EYS: variants seen among roughly 807,000 people sequenced by gnomAD.
The protein encoded by EYS is protein eyes shut homolog.
EYS carries 250 observed loss-of-function variants against 282.1 expected under a neutral mutation model. That is an observed-to-expected ratio of 0.89 (90% CI 0.80 to 0.98). The LOEUF (loss-of-function observed/expected upper bound fraction) is 0.98. Among genes scored for constraint, EYS ranks in the 50% least tolerant of loss-of-function variants. EYS has a pLI of 0.00. For missense variants in EYS, 4,016 were observed against 3,709.0 expected, an observed-to-expected ratio of 1.08 and a Z score of -2.15; for synonymous variants, 1,355 against 1,282.9, an observed-to-expected ratio of 1.06 and a Z score of -1.20.
intron 19 of EYS, among the ~76,000 whole-genome samples, chr6:64,882,387 C>G (rs1766952670): frequency 6.6e-6 from 1 of 151,640 alleles, no homozygotes; most frequent in Admixed American, 6.6e-5. Context: ...TATGTTTGCA[C>G]ATTTGAGTTG....
intron 32 of EYS, among the ~76,000 whole-genome samples, chr6:64,074,113 A>G (rs1458089107): frequency 1.3e-5 from 2 of 151,726 alleles, no homozygotes; most frequent in Non-Finnish European, 3.0e-5. Context: ...TCCAGACTAC[A>G]TTTCAAAACT....
At chr6:65,232,529 A>C (rs1290595860) in intron 12 of EYS, among the ~76,000 whole-genome samples, 1 of 152,098 alleles carries the variant, frequency 6.6e-6, no homozygotes, top group Non-Finnish European at 1.5e-5. Flanking sequence ...ACGTTTGAGT[A>C]GTTTTAGATT....
chr6:63,894,110 C>A (rs921109787), intron 35 of EYS, among the ~76,000 whole-genome samples: 18 of 152,292 alleles, frequency 1.2e-4, no homozygotes, highest in Non-Finnish European at 1.5e-5. Context: ...TTTAAGAAAG[C>A]AAACTGTCTT....
At chr6:64,823,600 C>T (rs529014928) in intron 19 of EYS, among the ~76,000 whole-genome samples, 49 of 152,104 alleles carry the variant, frequency 3.2e-4, no homozygotes, top group African/African-American at 1.2e-3. Flanking sequence ...CTAGCATTGA[C>T]TGAGCACTTA....
intron 31 of EYS, among the ~76,000 whole-genome samples, chr6:64,123,658 C>A (rs1773666488): frequency 6.6e-6 from 1 of 152,094 alleles, no homozygotes; most frequent in Non-Finnish European, 1.5e-5. Context: ...AAAATTGGGT[C>A]ATAAATTCTA....
chr6:63,844,264 A>T (rs1052145480), intron 36 of EYS, among the ~76,000 whole-genome samples: 1 of 152,150 alleles, frequency 6.6e-6, no homozygotes, highest in Non-Finnish European at 1.5e-5. Context: ...ATTGATGGGC[A>T]TTTTGGTTGA....
intron 31 of EYS, among the ~76,000 whole-genome samples, chr6:64,176,731 T>C (rs1212061695): frequency 6.6e-6 from 1 of 152,100 alleles, no homozygotes; most frequent in Non-Finnish European, 1.5e-5. Context: ...TAAGGAAATA[T>C]CTCTCAAAGT....
At chr6:64,167,468 G>T (rs1764329362) in intron 31 of EYS, among the ~76,000 whole-genome samples, 1 of 151,998 alleles carries the variant, frequency 6.6e-6, no homozygotes, top group Non-Finnish European at 1.5e-5. Flanking sequence ...TTCAAATTTA[G>T]CACATGGGTT....
At chr6:65,373,160 C>CT (rs1765228261) in intron 8 of EYS, among the ~76,000 whole-genome samples, 1 of 152,138 alleles carries the variant, frequency 6.6e-6, no homozygotes, top group South Asian at 2.1e-4. Context: ...AATCCTCATA[C>CT]TAACAGAGCC....
At chr6:64,662,640 T>C (rs1324130590) in intron 22 of EYS, among the ~76,000 whole-genome samples, 1 of 152,232 alleles carries the variant, frequency 6.6e-6, no homozygotes, top group Non-Finnish European at 1.5e-5. Context: ...TTCAAACTAT[T>C]ATAGGCTAAA....
In EYS at chr6:65,476,076, T is replaced by TA. The variant is rs528081277; in HGVS notation, c.862+14517dup. Among the ~76,000 whole-genome samples the TA allele has an allele frequency of 8.9e-4, 135 of 151,804 alleles. 2 individuals carry two copies. The highest frequency in any genetic ancestry group is 2.6e-3 in the African/African-American group (108 of 41,396). ...ATTACTCTCTTATTAAAAAAAAATT[T>TA]AAAAAAAAGTAACTTGCCAAAAAAA... On this transcript the variant is annotated intron_variant, in intron 5 of 42. Coordinates refer to ENST00000503581, the MANE Select transcript of EYS (RefSeq NM_001142800.2).
chr6:64,901,541 A>C (rs1054937229), intron 18 of EYS, among the ~76,000 whole-genome samples: 1 of 151,952 alleles, frequency 6.6e-6, no homozygotes, highest in Non-Finnish European at 1.5e-5. Flanking sequence ...GAAAAATATA[A>C]ATGTGATTTA....
chr6:65,000,448 T>G (rs1431074046), intron 13 of EYS, among the ~76,000 whole-genome samples: 4 of 152,184 alleles, frequency 2.6e-5, no homozygotes, highest in Non-Finnish European at 5.9e-5. Flanking sequence ...GTGACAAAAC[T>G]TTTTGGTGGA....
Position 63,721,085 on chromosome 6 carries a change from T to TG in EYS, c.8945_8946insC (p.Ser2983IlefsTer8). Reference sequence around the variant, plus strand: ...TTTTAGTGGTACTGAAATTTAAGGATATAGTAGTGAACTGGAGGTTTCTCA... The same window carrying TG: ...TTTTAGTGGTACTGAAATTTAAGGATGATAGTAGTGAACTGGAGGTTTCTCA... On this transcript the variant is annotated frameshift_variant, in exon 43 of 43. Coordinates refer to ENST00000503581, the MANE Select transcript of EYS (RefSeq NM_001142800.2). LOFTEE classifies it high-confidence loss of function. 1 of 1,551,334 alleles carries TG rather than the reference T, an allele frequency of 6.4e-7. No homozygotes were observed. Among genetic ancestry groups the TG allele is most frequent in the African/African-American group, 1.4e-5 (1 of 73,152 alleles).
rs1309831737 is a variant in EYS, at chr6:64,227,141, C to CTCTAAAA, written c.6424+3444_6424+3450dup. 3.9e-5 allele frequency among the ~76,000 whole-genome samples: 6 copies of CTCTAAAA among 151,982 alleles called. No homozygotes were observed. In the East Asian group the frequency reaches 1.2e-3, roughly 29 times the overall value. ...TCTAGATTTTTCTGAAATTTAAATA[C>CTCTAAAA]TCTAAAATCTGCTTTTTATATTTTA... On this transcript the variant is annotated intron_variant, in intron 31 of 42. Transcript: ENST00000503581.
At position 65,275,062 on chromosome 6, in the gene EYS, G is replaced by T. The variant is rs1186620169; in HGVS notation, c.2023+20801C>A. Among the ~76,000 whole-genome samples the T allele has an allele frequency of 2.0e-5, 3 of 152,120 alleles. No homozygotes were observed. In the East Asian group the frequency reaches 5.8e-4, roughly 29 times the overall value. On this transcript the variant is annotated intron_variant, in intron 12 of 42. Coordinates refer to ENST00000503581, the MANE Select transcript of EYS (RefSeq NM_001142800.2). ...CATAATAAGGGAGGGTTTTAGGGGA[G>T]GTCCAGATTGCTGTGCAAGCTACTC...
intron 24 of EYS, among the ~76,000 whole-genome samples, chr6:64,604,062 A>G (rs1404379019): frequency 2.0e-5 from 3 of 151,884 alleles, no homozygotes; most frequent in African/African-American, 7.3e-5. Flanking sequence ...TTTTGGGTGG[A>G]ACATGTTCCA....
At chr6:63,878,997 G>A (rs192224610) in intron 35 of EYS, among the ~76,000 whole-genome samples, 35 of 152,268 alleles carry the variant, frequency 2.3e-4, no homozygotes, top group Admixed American at 1.4e-3. Flanking sequence ...AGATGAACCC[G>A]GTACTTCAGG....
intron 14 of EYS, among the ~76,000 whole-genome samples, chr6:64,951,266 C>G (rs1039893487): frequency 6.6e-6 from 1 of 151,844 alleles, no homozygotes; most frequent in Admixed American, 6.6e-5. Flanking sequence ...ACACTTCTAG[C>G]TTTCAATGAA....
Sources: gnomAD v4.1 joint callset for allele counts (sites outside exome capture counted in the v4.1 genomes callset) on GRCh38, gnomAD v4.1.1 for gene constraint, MANE v1.5 for transcripts, NCBI Gene and HGNC (gene_info 2026-07-23, HGNC 2026-07-21) for gene names.